Variants in PANX3 observed in about 807,000 individuals in gnomAD.
PANX3 encodes the protein pannexin-3.
A neutral mutation model predicts 31.5 loss-of-function variants in PANX3; 18 were observed. That is an observed-to-expected ratio of 0.57 (90% CI 0.39 to 0.85). PANX3 has a LOEUF of 0.85. Among genes scored for constraint, PANX3 ranks in the 40% least tolerant of loss-of-function variants. PANX3 has a pLI of 0.00. For missense variants in PANX3, 426 were observed against 485.4 expected, an observed-to-expected ratio of 0.88 and a Z score of 1.15; for synonymous variants, 194 against 201.6, an observed-to-expected ratio of 0.96 and a Z score of 0.32.
intron 1 of PANX3, among the ~76,000 whole-genome samples, chr11:124,612,402 A>G (rs760875324): frequency 6.6e-6 from 1 of 152,196 alleles, no homozygotes; most frequent in Non-Finnish European, 1.5e-5. Flanking sequence ...TGGCAGTGCC[A>G]TTAGCTTACT....
intron 3 of PANX3, among the ~76,000 whole-genome samples, chr11:124,618,003 TG>T (rs1291747044): frequency 1.3e-5 from 2 of 152,194 alleles, no homozygotes; most frequent in Non-Finnish European, 2.9e-5. Context: ...TGTTGGGGGA[TG>T]GGGGTAGGAG....
rs1863158720 is a variant in PANX3 at position 124,616,920 on chromosome 11, GTCC to G, written c.325-350_325-348del. 6.7e-6 allele frequency among the ~76,000 whole-genome samples: 1 copy of G among 149,910 alleles called. No homozygotes were observed. The highest frequency in any genetic ancestry group is 1.5e-5 in the Non-Finnish European group (1 of 67,360). On this transcript the variant is annotated intron_variant, in intron 2 of 3. Coordinates refer to ENST00000284288, the MANE Select transcript of PANX3 (RefSeq NM_052959.3). This position sits in a 1 kb window ranked among gnomAD's most constrained non-coding sequence, Gnocchi z 4.8. ...CTCTCTCTCTATATATCCCTCTCCTGTCCTCCCCTCCCCTCCCTTCCCCTCTCC... is the reference window on the plus strand; with the variant it reads ...CTCTCTCTCTATATATCCCTCTCCTGTCCCCTCCCCTCCCTTCCCCTCTCC...
chr11:124,619,634 G>A lies in PANX3; in HGVS notation c.878G>A (p.Arg293Gln), dbSNP rs755151138. 1.1e-5 allele frequency: 18 copies of A among 1,613,958 alleles called. No homozygotes were observed. Among genetic ancestry groups the A allele is most frequent in the African/African-American group, 9.3e-5 (7 of 74,872 alleles). The change falls in exon 4 of 4, where the codon CGG (arginine) becomes CAG (glutamine). Residue 293 changes from arginine (R) to glutamine (Q), a missense_variant. Physicochemically the swap from Arg to Gln is conservative, Grantham distance 43. Coordinates refer to ENST00000284288, the MANE Select transcript of PANX3 (RefSeq NM_052959.3). The part of the protein sequence containing the change: ...LVPVIIYNLT[R>Q]LCRWDKRLLS... ...CCAGTGATAATATACAACCTCACAC[G>A]GCTATGTCGGTGGGACAAACGACTT...
intron 1 of PANX3, 69 bp from the exon 2 acceptor site, chr11:124,612,911 A>G (rs1863108461): frequency 2.1e-5 from 33 of 1,570,192 alleles, no homozygotes; most frequent in Non-Finnish European, 2.9e-5. Flanking sequence ...GAAGAGTTAG[A>G]TGATTGCCCC....
chr11:124,611,742 G>C lies in PANX3; in HGVS notation c.181+5G>C, dbSNP rs369545470. 6.8e-6 allele frequency: 11 copies of C among 1,612,628 alleles called. No homozygotes were observed. Among genetic ancestry groups the C allele is most frequent in the Non-Finnish European group, 9.3e-6 (11 of 1,179,144 alleles). On this transcript the variant is annotated splice_donor_5th_base_variant and intron_variant, in intron 1 of 3. Coordinates refer to ENST00000284288, the MANE Select transcript of PANX3 (RefSeq NM_052959.3). The stretch of plus-strand genomic sequence containing the variant: ...TCGCCCAGGAGTTCTCCTCTGGTAA[G>C]TTGCTTCCAAGACCCAGTGCGCAAG...
At position 124,611,520 on chromosome 11, in the gene PANX3, C is replaced by T; in HGVS notation, c.-37C>T. The T allele has an allele frequency of 6.4e-7, 1 of 1,564,812 alleles. No individual in the cohort carries two copies. The highest frequency in any genetic ancestry group is 2.3e-5 in the East Asian group (1 of 43,992). ...TCCTCATTCCACCATCCCAGGACCCCTGCTGCCACCTCTGCACCCCCAAGC... is the reference window on the plus strand; with the variant it reads ...TCCTCATTCCACCATCCCAGGACCCTTGCTGCCACCTCTGCACCCCCAAGC... On this transcript the variant is annotated 5_prime_UTR_variant, in exon 1 of 4. Transcript: ENST00000284288.
Position 124,611,750 on chromosome 11 carries a change from C to G in PANX3, c.181+13C>G. The G allele has an allele frequency of 6.2e-7, 1 of 1,611,380 alleles. No homozygotes were observed. The highest frequency in any genetic ancestry group is 8.5e-7 in the Non-Finnish European group (1 of 1,178,322). ...GAGTTCTCCTCTGGTAAGTTGCTTC[C>G]AAGACCCAGTGCGCAAGAGAGACTC... On this transcript the variant is annotated intron_variant, in intron 1 of 3. Coordinates refer to ENST00000284288, the MANE Select transcript of PANX3 (RefSeq NM_052959.3).
chr11:124,614,808 C>G (rs1397248916), intron 2 of PANX3, among the ~76,000 whole-genome samples: 1 of 151,072 alleles, frequency 6.6e-6, no homozygotes, highest in East Asian at 2.0e-4. Context: ...TCCCAAGTAG[C>G]TGGGACTACA....
At position 124,620,114 on chromosome 11, in the gene PANX3, A is replaced by G; in HGVS notation, c.*179A>G. On this transcript the variant is annotated 3_prime_UTR_variant, in exon 4 of 4. Coordinates refer to ENST00000284288, the MANE Select transcript of PANX3 (RefSeq NM_052959.3). ...AAAAGTGAGAAGACATAACCAAGACATGGAAATAAATGTGAAAGCTGGAGC... is the reference window on the plus strand; with the variant it reads ...AAAAGTGAGAAGACATAACCAAGACGTGGAAATAAATGTGAAAGCTGGAGC... The G allele has an allele frequency of 1.4e-6, 1 of 694,426 alleles. No individual in the cohort carries two copies. Among genetic ancestry groups the G allele is most frequent in the Non-Finnish European group, 2.3e-6 (1 of 442,296 alleles). The allele number at this position is 694,426 out of a possible 1,614,324, so 43.0% of individuals were successfully genotyped here. A position where few individuals can be genotyped will look rare whatever the true frequency, so the allele number is the denominator to read the frequency against.
At chr11:124,614,223 A>G (rs908379789) in intron 2 of PANX3, among the ~76,000 whole-genome samples, 23 of 151,886 alleles carry the variant, frequency 1.5e-4, no homozygotes, top group African/African-American at 5.5e-4. Context: ...AGGAATTCAC[A>G]TATAAGAAAA....
chr11:124,615,973 C>T (rs2134311707), intron 2 of PANX3, among the ~76,000 whole-genome samples: 1 of 152,180 alleles, frequency 6.6e-6, no homozygotes, highest in Admixed American at 6.5e-5. Context: ...GAGATCGCAC[C>T]ACGGCACTCC....
intron 1 of PANX3, among the ~76,000 whole-genome samples, chr11:124,612,715 A>G (rs1863107094): frequency 6.6e-6 from 1 of 152,158 alleles, no homozygotes; most frequent in Non-Finnish European, 1.5e-5. Context: ...AGGAGCACAA[A>G]AAGCCCAGGG....
intron 1 of PANX3, 134 bp from the exon 2 acceptor site, chr11:124,612,846 C>A: frequency 9.0e-7 from 1 of 1,112,760 alleles, no homozygotes; most frequent in Non-Finnish European, 1.3e-6. Flanking sequence ...CAGTGCTCAA[C>A]CCAGAAGACT....
chr11:124,616,181 TG>T lies in PANX3; in HGVS notation c.325-1091del, dbSNP rs1291639079. ...CTGAAACCAAGCACCACCAACTGGG[TG>T]GCTTCAACAATCAAAATTATCGTCT... On this transcript the variant is annotated intron_variant, in intron 2 of 3. Transcript: ENST00000284288. The surrounding 1 kb of genome is among the most constrained non-coding windows in gnomAD (Gnocchi z 4.8). Among the ~76,000 whole-genome samples, 1 of 152,094 alleles carries T rather than the reference TG, an allele frequency of 6.6e-6. No homozygotes were observed. The highest frequency in any genetic ancestry group is 1.5e-5 in the Non-Finnish European group (1 of 68,016).
At chr11:124,618,891 C>T (rs531637107) in intron 3 of PANX3, among the ~76,000 whole-genome samples, 1 of 152,302 alleles carries the variant, frequency 6.6e-6, no homozygotes, top group East Asian at 1.9e-4. Context: ...TGGGACCCTT[C>T]CACCTCGGCC....
chr11:124,617,290 T>C lies in PANX3; in HGVS notation c.341T>C (p.Leu114Pro), dbSNP rs1863163984. 1 of 1,606,556 alleles carries C rather than the reference T, an allele frequency of 6.2e-7. No individual in the cohort carries two copies. Among genetic ancestry groups the C allele is most frequent in the South Asian group, 1.1e-5 (1 of 91,002 alleles). Reference sequence around the variant, plus strand: ...GCCCTGCAGGCCCTCCCCTACTCCCTGCTGGCCCTGGCCTTGCTCATGTAC... The same window carrying C: ...GCCCTGCAGGCCCTCCCCTACTCCCCGCTGGCCCTGGCCTTGCTCATGTAC... ...LWPHKALPYS[L>P]LALALLMYLP... The change falls in exon 3 of 4, where the codon CTG (leucine) becomes CCG (proline). Residue 114 changes from leucine (L) to proline (P), a missense_variant. Physicochemically the swap from Leu to Pro is moderately conservative, Grantham distance 98. Transcript: ENST00000284288.
intron 2 of PANX3, among the ~76,000 whole-genome samples, chr11:124,614,458 G>A (rs1013274598): frequency 6.6e-6 from 1 of 151,820 alleles, no homozygotes; most frequent in African/African-American, 2.4e-5. Flanking sequence ...AGTAGAGATG[G>A]AGTTTCACCA....
chr11:124,615,771 G>A (rs1863146235), intron 2 of PANX3, among the ~76,000 whole-genome samples: 1 of 152,162 alleles, frequency 6.6e-6, no homozygotes, highest in Non-Finnish European at 1.5e-5. Flanking sequence ...CAGCACTTTA[G>A]GAGGCCAAGG....
rs1164702405 is a variant in PANX3 at position 124,619,514 on chromosome 11, C to T, written c.758C>T (p.Thr253Ile). ...SIKTGLLSDE[T>I]HVPNLITCRL... is the part of the protein sequence containing the mutation. ...AAGACAGGGCTGCTAAGTGATGAGA[C>T]CCATGTCCCCAATCTGATCACATGC... Residue 253 changes from threonine to isoleucine, a missense_variant, in exon 4 of 4, where the codon ACC becomes ATC. Coordinates refer to ENST00000284288, the MANE Select transcript of PANX3 (RefSeq NM_052959.3). 2 of 1,614,104 alleles carry T rather than the reference C, an allele frequency of 1.2e-6. No homozygotes were observed. The highest frequency in any genetic ancestry group is 1.7e-6 in the Non-Finnish European group (2 of 1,180,046).
Sources: allele counts gnomAD v4.1 joint callset (sites outside exome capture counted in the v4.1 genomes callset), GRCh38; gene constraint gnomAD v4.1.1; non-coding constraint Gnocchi (gnomAD v3.1); transcripts MANE v1.5; gene names NCBI Gene and HGNC (gene_info 2026-07-23, HGNC 2026-07-21).